TLR3: variants seen among roughly 807,000 people sequenced by gnomAD.
TLR3 encodes the protein toll like receptor 3.
In TLR3, 43 loss-of-function variants were observed where a neutral mutation model predicts 66.4. The observed-to-expected ratio is 0.65, with a 90% CI of 0.51 to 0.83. The LOEUF is 0.83. TLR3 is among the 40% of genes least tolerant of loss of function. TLR3 has a pLI of 0.00. For synonymous variants in TLR3, 397 were observed against 397.2 expected, an observed-to-expected ratio of 1.00 and a Z score of 0.01; for missense variants, 982 against 1,044.6, an observed-to-expected ratio of 0.94 and a Z score of 0.83.
In TLR3 at chr4:186,077,034, A is replaced by C; in HGVS notation, c.415A>C (p.Lys139Gln). The change falls in exon 2 of 5, where the codon AAA (lysine) becomes CAA (glutamine). Residue 139 changes from lysine to glutamine, a missense_variant. By Grantham distance (53) the Lys-to-Gln change is moderately conservative. This residue lies in a region of TLR3 where 313 missense variants were observed against 319.0 expected (regional missense o/e 0.98). Coordinates refer to ENST00000296795, the MANE Select transcript of TLR3 (RefSeq NM_003265.3). ...CATGTCCAACTCAATCCAGAAAATT[A>C]AAAATAATCCCTTTGTCAAGCAGAA... Reference protein sequence around the residue: ...HLMSNSIQKIKNNPFVKQKNL... With the variant: ...HLMSNSIQKIQNNPFVKQKNL... 6.2e-7 allele frequency: 1 copy of C among 1,614,126 alleles called. No homozygotes were observed. Among genetic ancestry groups the C allele is most frequent in the Non-Finnish European group, 8.5e-7 (1 of 1,180,018 alleles).
At chr4:186,078,325 CA>C (rs2099302795) in intron 2 of TLR3, among the ~76,000 whole-genome samples, 1 of 152,050 alleles carries the variant, frequency 6.6e-6, no homozygotes, top group African/African-American at 2.4e-5. Flanking sequence ...AGTCATGACT[CA>C]AAATTTATAT....
intron 1 of TLR3, among the ~76,000 whole-genome samples, chr4:186,070,015 C>T (rs1259181231): frequency 6.6e-6 from 1 of 152,234 alleles, no homozygotes; most frequent in Non-Finnish European, 1.5e-5. Context: ...TAGTCTGCCT[C>T]CAGACCCCAT....
At chr4:186,069,770 T>A (rs2099301121) in intron 1 of TLR3, among the ~76,000 whole-genome samples, 1 of 152,120 alleles carries the variant, frequency 6.6e-6, no homozygotes, top group African/African-American at 2.4e-5. Context: ...TAATGAAGGA[T>A]AATGGAAGAA....
Position 186,084,648 on chromosome 4 carries a change from C to A in TLR3, c.2490C>A (p.Phe830Leu). 1.2e-6 allele frequency: 2 copies of A among 1,604,614 alleles called. No individual in the cohort carries two copies. The highest frequency in any genetic ancestry group is 1.1e-5 in the South Asian group (1 of 90,800). The change falls in exon 5 of 5, where the codon TTC becomes TTA. Residue 830 changes from phenylalanine (F) to leucine (L), a missense_variant. Phe to Leu is a conservative substitution (Grantham distance 22, BLOSUM62 0). Around this residue, in one of 3 missense-constraint regions of TLR3, gnomAD observed 666 missense variants for 709.0 expected, o/e 0.94. Coordinates refer to ENST00000296795, the MANE Select transcript of TLR3 (RefSeq NM_003265.3). ...TTCAATACATTTTTTTACTTAGATT[C>A]AAGGTACATCATGCAGTTCAACAAG... ...HLLKDPLCKR[F>L]KVHHAVQQAI...
intron 1 of TLR3, among the ~76,000 whole-genome samples, chr4:186,072,661 C>A (rs1475153174): frequency 6.6e-6 from 1 of 152,108 alleles, no homozygotes; most frequent in Non-Finnish European, 1.5e-5. Flanking sequence ...CACTCACTAT[C>A]GGGAGAACAG....
At position 186,087,021 on chromosome 4, in the gene TLR3, A is replaced by G. The variant is rs2099304472; in HGVS notation, c.*2148A>G. ...ACTTGGTTTATGCCCTATGTAAATG[A>G]AGAGGCTAAAGTGAAATTACAAAGT... is the stretch of plus-strand genomic sequence containing the variant. On this transcript the variant is annotated 3_prime_UTR_variant, in exon 5 of 5. Coordinates refer to ENST00000296795, the MANE Select transcript of TLR3 (RefSeq NM_003265.3). The G allele has an allele frequency of 6.6e-6, 1 of 152,218 alleles. No individual in the cohort carries two copies. The allele number at this position is 152,218 out of a possible 1,614,324, so 9.4% of individuals were successfully genotyped here.
rs760275329 is a variant in TLR3, at chr4:186,083,299, A to C, written c.1613A>C (p.Gln538Pro). Residue 538 changes from glutamine (Q) to proline (P), a missense_variant, in exon 4 of 5, where the codon CAG becomes CCG. Coordinates refer to ENST00000296795, the MANE Select transcript of TLR3 (RefSeq NM_003265.3). This position sits in a 1 kb window ranked among gnomAD's most constrained non-coding sequence, Gnocchi z 4.0. ...GLEKLEILDLQHNNLARLWKH... is the reference protein window; with the variant it reads ...GLEKLEILDLPHNNLARLWKH... ...GAGAAACTAGAAATTCTCGATTTGC[A>C]GCATAACAACTTAGCACGGCTCTGG... The C allele has an allele frequency of 3.1e-6, 5 of 1,614,110 alleles. No homozygotes were observed. Among genetic ancestry groups the C allele is most frequent in the Non-Finnish European group, 4.2e-6 (5 of 1,180,052 alleles).
At chr4:186,072,413 A>T (rs1293477061) in intron 1 of TLR3, among the ~76,000 whole-genome samples, 1 of 152,068 alleles carries the variant, frequency 6.6e-6, no homozygotes, top group Non-Finnish European at 1.5e-5. Flanking sequence ...CCCTAGTTCA[A>T]GCGATTCTCC....
At position 186,082,711 on chromosome 4, in the gene TLR3, C is replaced by A. The variant is rs1276480303; in HGVS notation, c.1025C>A (p.Ser342Ter). The A allele has an allele frequency of 7.4e-6, 12 of 1,614,052 alleles. No homozygotes were observed. Among genetic ancestry groups the A allele is most frequent in the Non-Finnish European group, 1.0e-5 (12 of 1,179,946 alleles). ...ACTAAACAAAGTATTTCCCTTGCCT[C>A]ACTCCCCAAGATTGATGATTTTTCT... ...SFTKQSISLA[S>*]LPKIDDFSFQ... The change falls in exon 4 of 5, where the codon TCA (serine) becomes TAA (stop). Residue 342 changes from serine (S) to a stop codon, truncating the protein, a stop_gained. Transcript: ENST00000296795. LOFTEE classifies it high-confidence loss of function.
rs755127843 is a variant in TLR3 at position 186,076,652 on chromosome 4, G to T, written c.33G>T (p.Trp11Cys). 13 of 1,613,902 alleles carry T rather than the reference G, an allele frequency of 8.1e-6. No homozygotes were observed. Among genetic ancestry groups the T allele is most frequent in the African/African-American group, 4.0e-5 (3 of 74,846 alleles). ...AGACTTTGCCTTGTATCTACTTTTG[G>T]GGGGGCCTTTTGCCCTTTGGGATGC... MRQTLPCIYF[W>C]GGLLPFGMLC... is the part of the protein sequence containing the mutation. The change falls in exon 2 of 5, where the codon TGG becomes TGT. Residue 11 changes from tryptophan (W) to cysteine (C), a missense_variant. Transcript: ENST00000296795.
intron 1 of TLR3, among the ~76,000 whole-genome samples, chr4:186,071,454 A>G (rs1315713536): frequency 2.6e-5 from 4 of 152,116 alleles, no homozygotes; most frequent in Non-Finnish European, 5.9e-5. Flanking sequence ...GGTTTGGGAC[A>G]CTCTCAGAGA....
At position 186,082,780 on chromosome 4, in the gene TLR3, A is replaced by G. The variant is rs1431253134; in HGVS notation, c.1094A>G (p.Asn365Ser). The G allele has an allele frequency of 6.2e-7, 1 of 1,614,176 alleles. No individual in the cohort carries two copies. Residue 365 changes from asparagine (N) to serine (S), a missense_variant, in exon 4 of 5, where the codon AAT (asparagine) becomes AGT (serine). Asn to Ser is a conservative substitution (Grantham distance 46, BLOSUM62 1). Around this residue, in one of 3 missense-constraint regions of TLR3, gnomAD observed 666 missense variants for 709.0 expected, o/e 0.94. Transcript: ENST00000296795. ...KCLEHLNMEDNDIPGIKSNMF... is the reference protein window; with the variant it reads ...KCLEHLNMEDSDIPGIKSNMF... Reference sequence around the variant, plus strand: ...TTGGAGCACCTTAACATGGAAGATAATGATATTCCAGGCATAAAAAGCAAT... The same window carrying G: ...TTGGAGCACCTTAACATGGAAGATAGTGATATTCCAGGCATAAAAAGCAAT...
chr4:186,085,037 T>C lies in TLR3; in HGVS notation c.*164T>C. On this transcript the variant is annotated 3_prime_UTR_variant, in exon 5 of 5. Transcript: ENST00000296795. ...TCTTCTAGGAAAATGTGTCTCCTTATTTCAGGCCTATTTTTGACAATTGAC... is the reference window on the plus strand; with the variant it reads ...TCTTCTAGGAAAATGTGTCTCCTTACTTCAGGCCTATTTTTGACAATTGAC... 1 of 652,700 alleles carries C rather than the reference T, an allele frequency of 1.5e-6. No individual in the cohort carries two copies. Among genetic ancestry groups the C allele is most frequent in the South Asian group, 2.0e-5 (1 of 51,258 alleles). The allele number at this position is 652,700 out of a possible 1,614,324, so 40.4% of individuals were successfully genotyped here.
rs1477253681 is a variant in TLR3, at chr4:186,086,472, TCGGCCAACA to T, written c.*1601_*1609del. 1 of 152,244 alleles carries T rather than the reference TCGGCCAACA, an allele frequency of 6.6e-6. No individual in the cohort carries two copies. Among genetic ancestry groups the T allele is most frequent in the Non-Finnish European group, 1.5e-5 (1 of 68,044 alleles). 9.4% of individuals were successfully genotyped at this position (152,244 alleles called of 1,614,324 possible). On this transcript the variant is annotated 3_prime_UTR_variant, in exon 5 of 5. Transcript: ENST00000296795. ...ACCTCTGGTTCTGAAGAGTCTATAG[TCGGCCAACA>T]CTGTGAATGTGTGGAGGACTAATTG...
rs1481297372 is a variant in TLR3, at chr4:186,076,718, A to C, written c.99A>C (p.Glu33Asp). ...CCACCAAGTGCACTGTTAGCCATGA[A>C]GTTGCTGACTGCAGCCACCTGAAGT... ...SSTTKCTVSHEVADCSHLKLT... is the reference protein window; with the variant it reads ...SSTTKCTVSHDVADCSHLKLT... Residue 33 changes from glutamate to aspartate, a missense_variant, in exon 2 of 5, where the codon GAA (glutamate) becomes GAC (aspartate). By Grantham distance (45) the Glu-to-Asp change is conservative. Transcript: ENST00000296795. The C allele has an allele frequency of 6.2e-7, 1 of 1,614,160 alleles. No homozygotes were observed. Among genetic ancestry groups the C allele is most frequent in the East Asian group, 2.2e-5 (1 of 44,870 alleles).
At chr4:186,072,320 G>T (rs2099301622) in intron 1 of TLR3, among the ~76,000 whole-genome samples, 1 of 152,026 alleles carries the variant, frequency 6.6e-6, no homozygotes, top group Admixed American at 6.6e-5. Context: ...TATTTATTTT[G>T]GGGGGAGTGG....
At chr4:186,080,894 G>A (rs2099303312) in intron 3 of TLR3, among the ~76,000 whole-genome samples, 1 of 152,106 alleles carries the variant, frequency 6.6e-6, no homozygotes, top group Non-Finnish European at 1.5e-5. Flanking sequence ...GCCCAGCCTG[G>A]AGGGGGCTCT....
intron 1 of TLR3, among the ~76,000 whole-genome samples, chr4:186,073,013 A>G (rs774535207): frequency 2.6e-5 from 4 of 152,216 alleles, no homozygotes; most frequent in Non-Finnish European, 5.9e-5. Context: ...GGCAATCTAG[A>G]AGAAGAGCAA....
At chr4:186,076,505 C>T (rs1285647529) in intron 1 of TLR3, 108 bp from the exon 2 acceptor site, 2 of 1,049,168 alleles carry the variant, frequency 1.9e-6, no homozygotes, top group African/African-American at 1.6e-5. Flanking sequence ...GTAATAACAT[C>T]ATACATGGTC....
Sources: gnomAD v4.1 joint callset for allele counts (sites outside exome capture counted in the v4.1 genomes callset) on GRCh38, gnomAD v4.1.1 for gene constraint, gnomAD v4.1.1 regional missense constraint, Gnocchi (gnomAD v3.1) non-coding constraint, MANE v1.5 for transcripts, NCBI Gene and HGNC (gene_info 2026-07-23, HGNC 2026-07-21) for gene names.